Variants in ANKRD28 observed in about 807,000 individuals in gnomAD.
ANKRD28 encodes the protein ankyrin repeat domain 28.
Under a neutral mutation model 126.5 loss-of-function variants are expected in ANKRD28, and 44 were observed. The ratio of observed to expected loss-of-function variants is 0.35; its 90% confidence interval spans 0.27 to 0.45. The LOEUF (loss-of-function observed/expected upper bound fraction) is 0.45, where lower values mean the gene tolerates loss of function less well. ANKRD28 is among the 20% of genes least tolerant of loss of function. The pLI is 1.00. For synonymous variants in ANKRD28, 442 were observed against 468.5 expected, an observed-to-expected ratio of 0.94 and a Z score of 0.73; for missense variants, 1,110 against 1,316.6, an observed-to-expected ratio of 0.84 and a Z score of 2.43.
At chr3:15,779,297 T>C (rs926762038) in intron 2 of ANKRD28, among the ~76,000 whole-genome samples, 4 of 152,196 alleles carry the variant, frequency 2.6e-5, no homozygotes, top group African/African-American at 9.7e-5. Flanking sequence ...GAAGAAATTA[T>C]GCATGATTGG....
chr3:15,684,927 C>T (rs2067937023), intron 21 of ANKRD28: 1 of 288,934 alleles, frequency 3.5e-6, no homozygotes, highest in Admixed American at 4.9e-5. Flanking sequence ...AGTTCAAGAC[C>T]AGCCTGGGCA....
chr3:15,799,638 T>A (rs1214264027), upstream of ANKRD28, among the ~76,000 whole-genome samples: 3 of 152,102 alleles, frequency 2.0e-5, no homozygotes, highest in Non-Finnish European at 4.4e-5. Context: ...TATTTCATCT[T>A]CAGGGTTCCC....
chr3:15,731,874 A>AAAAAAG (rs1553610861), intron 6 of ANKRD28: 1 of 59,084 alleles, frequency 1.7e-5, no homozygotes, highest in East Asian at 5.4e-4. Flanking sequence ...AAAAAAAAAA[A>AAAAAAG]GGGGGGGGGG....
At position 15,854,291 on chromosome 3, in the gene ANKRD28, A is replaced by G. The variant is rs2061714741; in HGVS notation, c.27+5086T>C. Reference sequence around the variant, plus strand: ...TTCTCTTTTCCAACTACACACTCCAATCAAGACTATCTCCTGATTATCCCA... The same window carrying G: ...TTCTCTTTTCCAACTACACACTCCAGTCAAGACTATCTCCTGATTATCCCA... On this transcript the variant is annotated intron_variant, in intron 1 of 27. Coordinates refer to the ANKRD28 transcript ENST00000399451. The surrounding 1 kb of genome is among the most constrained non-coding windows in gnomAD (Gnocchi z 4.1). Among the ~76,000 whole-genome samples the G allele has an allele frequency of 6.6e-6, 1 of 152,146 alleles. No individual in the cohort carries two copies. Among genetic ancestry groups the G allele is most frequent in the African/African-American group, 2.4e-5 (1 of 41,426 alleles).
intron 21 of ANKRD28, chr3:15,684,827 A>G (rs2067922176): frequency 5.9e-6 from 1 of 169,272 alleles, no homozygotes; most frequent in African/African-American, 2.4e-5. Flanking sequence ...GGAAATAAGG[A>G]TCTAAGAAAA....
chr3:15,700,728 C>T (rs776664182), intron 14 of ANKRD28, among the ~76,000 whole-genome samples: 10 of 151,986 alleles, frequency 6.6e-5, no homozygotes, highest in African/African-American at 1.7e-4. Flanking sequence ...GAGCAGAGAT[C>T]GCGCCACTGC....
chr3:15,744,602 C>G (rs1451798695), intron 4 of ANKRD28, among the ~76,000 whole-genome samples: 2 of 152,100 alleles, frequency 1.3e-5, no homozygotes, highest in East Asian at 3.9e-4. Flanking sequence ...CAGGCGTGAG[C>G]CACCGCGCCT....
In ANKRD28 at chr3:15,853,841, C is replaced by G. The variant is rs1349099181; in HGVS notation, c.27+5536G>C. 6.6e-6 allele frequency among the ~76,000 whole-genome samples: 1 copy of G among 152,028 alleles called. No homozygotes were observed. Among genetic ancestry groups the G allele is most frequent in the Non-Finnish European group, 1.5e-5 (1 of 68,016 alleles). On this transcript the variant is annotated intron_variant, in intron 1 of 27. Transcript: ENST00000399451. This position sits in a 1 kb window ranked among gnomAD's most constrained non-coding sequence, Gnocchi z 4.2. ...CTGGAACTATGTATCCAAAAAATTA[C>G]CAATTATCATACAAATCCAAGACAC...
In ANKRD28 at chr3:15,720,962, A is replaced by G. The variant is rs1468784094; in HGVS notation, c.949T>C (p.Leu317=). The change falls in exon 8 of 28, where the codon TTG becomes CTG. Residue 317 remains leucine, a synonymous_variant. Coordinates refer to ENST00000683139, the MANE Select transcript of ANKRD28 (RefSeq NM_001349278.2). ...TTGCCAACTAGAAGCTCTAAACACA[A>G]TGCTCCATGTGTTGATGCAGCAGCA... ...HFAAASTHGA[L]CLELLVGNGA... 1 of 1,613,868 alleles carries G rather than the reference A, an allele frequency of 6.2e-7. No individual in the cohort carries two copies. The highest frequency in any genetic ancestry group is 2.2e-5 in the East Asian group (1 of 44,858).
chr3:15,697,032 A>G (rs1253875999), intron 14 of ANKRD28, among the ~76,000 whole-genome samples: 1 of 152,202 alleles, frequency 6.6e-6, no homozygotes, highest in Non-Finnish European at 1.5e-5. Context: ...AATATGAAAC[A>G]AGTCTATTTA....
At chr3:15,744,441 C>T (rs1575498765) in intron 4 of ANKRD28, among the ~76,000 whole-genome samples, 1 of 150,894 alleles carries the variant, frequency 6.6e-6, no homozygotes, top group East Asian at 1.9e-4. Flanking sequence ...TCCAGAGTAG[C>T]TGAAACTACA....
intron 8 of ANKRD28, among the ~76,000 whole-genome samples, chr3:15,716,159 TTTA>T (rs2073003794): frequency 6.6e-6 from 1 of 151,774 alleles, no homozygotes; most frequent in Non-Finnish European, 1.5e-5. Context: ...ATTTTTGTAT[TTTA>T]GTAGAGATGG....
At chr3:15,769,813 G>A in intron 2 of ANKRD28, among the ~76,000 whole-genome samples, 1 of 152,126 alleles carries the variant, frequency 6.6e-6, no homozygotes, top group Non-Finnish European at 1.5e-5. Context: ...ATTGAATTGG[G>A]TATGGCTGAG....
In ANKRD28 at chr3:15,678,438, G is replaced by C. The variant is rs1350079499; in HGVS notation, c.2562-84C>G. 8.4e-6 allele frequency: 11 copies of C among 1,308,394 alleles called. No individual in the cohort carries two copies. In the African/African-American group the frequency reaches 1.6e-4, roughly 19 times the overall value. The allele number at this position is 1,308,394 out of a possible 1,614,324, so 81.0% of individuals were successfully genotyped here. A position where few individuals can be genotyped will look rare whatever the true frequency, so the allele number is the denominator to read the frequency against. ...AATATTCTTTAATTTGTGACATGCT[G>C]TTTTTAAGGGTTTACATATTAGGCT... On this transcript the variant is annotated intron_variant, in intron 23 of 27. Transcript: ENST00000683139.
intron 2 of ANKRD28, among the ~76,000 whole-genome samples, chr3:15,783,400 T>C (rs1393100623): frequency 6.6e-6 from 1 of 152,054 alleles, no homozygotes; most frequent in Non-Finnish European, 1.5e-5. Flanking sequence ...GTTGAAAATT[T>C]AGGATTCTCA....
At position 15,706,228 on chromosome 3, in the gene ANKRD28, T is replaced by C. The variant is rs1015445169; in HGVS notation, c.1547+1696A>G. 1.9e-4 allele frequency among the ~76,000 whole-genome samples: 29 copies of C among 152,234 alleles called. 1 individual carries two copies. Among genetic ancestry groups the C allele is most frequent in the South Asian group, 1.0e-3 (5 of 4,828 alleles). On this transcript the variant is annotated intron_variant, in intron 14 of 27. Coordinates refer to ENST00000683139, the MANE Select transcript of ANKRD28 (RefSeq NM_001349278.2). ...TTACATTAGGTATACCTCCTAATGC[T>C]ATCCCTCCCCCTCCTCCCCACCCCA... is the stretch of plus-strand genomic sequence containing the variant.
intron 8 of ANKRD28, among the ~76,000 whole-genome samples, chr3:15,717,170 G>A (rs1039373101): frequency 2.0e-5 from 3 of 151,966 alleles, no homozygotes; most frequent in Non-Finnish European, 4.4e-5. Flanking sequence ...TAGAGACAAG[G>A]TCTTGCTATA....
rs970226697 is a variant in ANKRD28, at chr3:15,843,193, C to A, written c.27+16184G>T. ...TCACATGGTGAAAGTAGGAGCAAGACAGATCAAGTGGCGAGGTGCCACACA... is the reference window on the plus strand; with the variant it reads ...TCACATGGTGAAAGTAGGAGCAAGAAAGATCAAGTGGCGAGGTGCCACACA... On this transcript the variant is annotated intron_variant, in intron 1 of 27. Transcript: ENST00000399451. The surrounding 1 kb of genome is among the most constrained non-coding windows in gnomAD (Gnocchi z 5.2). 6.6e-6 allele frequency among the ~76,000 whole-genome samples: 1 copy of A among 152,144 alleles called. No homozygotes were observed. Among genetic ancestry groups the A allele is most frequent in the Non-Finnish European group, 1.5e-5 (1 of 68,014 alleles).
In ANKRD28 at chr3:15,675,995, G is replaced by A; in HGVS notation, c.2874-6C>T. 1 of 1,609,124 alleles carries A rather than the reference G, an allele frequency of 6.2e-7. No homozygotes were observed. The highest frequency in any genetic ancestry group is 8.5e-7 in the Non-Finnish European group (1 of 1,177,198). On this transcript the variant is annotated splice_polypyrimidine_tract_variant and splice_region_variant and intron_variant, in intron 26 of 27. Transcript: ENST00000683139. ...GGGCAGCAACATGCAGAGGTCTAGG[G>A]GAAAAAACATGATACATGTACACAT... is the stretch of plus-strand genomic sequence containing the variant.
Sources: gnomAD v4.1 joint callset for allele counts (sites outside exome capture counted in the v4.1 genomes callset) on GRCh38, gnomAD v4.1.1 for gene constraint, Gnocchi (gnomAD v3.1) non-coding constraint, MANE v1.5 for transcripts, NCBI Gene and HGNC (gene_info 2026-07-23, HGNC 2026-07-21) for gene names.